The following ACACA variants were observed in gnomAD, a reference collection of about 807,000 sequenced individuals.
The protein encoded by ACACA is acetyl-CoA carboxylase alpha.
ACACA carries 103 observed loss-of-function variants against 296.1 expected under a neutral mutation model. The observed-to-expected ratio is 0.35, with a 90% CI of 0.30 to 0.41. ACACA has a LOEUF of 0.41. Among genes scored for constraint, ACACA ranks in the 10% least tolerant of loss-of-function variants. The probability of loss-of-function intolerance (pLI) is 1.00; values close to 1 mark genes in which losing one functional copy is unlikely to be tolerated. For missense variants in ACACA, 1,554 were observed against 2,989.7 expected (o/e 0.52, Z 11.20); for synonymous variants, 953 against 1,038.6 (o/e 0.92, Z 1.58).
At chr17:37,124,439 TA>T (rs569225957) in intron 48 of ACACA, among the ~76,000 whole-genome samples, 1 of 152,222 alleles carries the variant, frequency 6.6e-6, no homozygotes, top group Non-Finnish European at 1.5e-5. Flanking sequence ...TTCTGAGACT[TA>T]AAATCTGTCA....
chr17:37,240,604 CCAA>C, intron 23 of ACACA, 40 bp from the exon 24 acceptor site: 4 of 1,559,742 alleles, frequency 2.6e-6, no homozygotes, highest in Non-Finnish European at 3.5e-6. Flanking sequence ...ACCTGACAAT[CCAA>C]CACTATTAAG....
chr17:37,246,990 G>C lies in ACACA; in HGVS notation c.2310-14C>G. 6.2e-7 allele frequency: 1 copy of C among 1,613,876 alleles called. No individual in the cohort carries two copies. The highest frequency in any genetic ancestry group is 8.5e-7 in the Non-Finnish European group (1 of 1,179,932). Reference sequence around the variant, plus strand: ...GTGATGCGATATCTAGGAGACAAGTGGAAGTATGTAAGCTAAGAAAGCACC... The same window carrying C: ...GTGATGCGATATCTAGGAGACAAGTCGAAGTATGTAAGCTAAGAAAGCACC... On this transcript the variant is annotated splice_polypyrimidine_tract_variant and intron_variant, in intron 18 of 55. Coordinates refer to ENST00000616317, the MANE Select transcript of ACACA (RefSeq NM_198834.3).
intron 54 of ACACA, among the ~76,000 whole-genome samples, chr17:37,089,319 C>T (rs2072450612): frequency 6.6e-6 from 1 of 152,254 alleles, no homozygotes; most frequent in Admixed American, 6.5e-5. Context: ...CCCGAGCACT[C>T]TGGTGCTCAT....
intron 3 of ACACA, among the ~76,000 whole-genome samples, chr17:37,291,344 T>A (rs2083057951): frequency 6.6e-6 from 1 of 151,678 alleles, no homozygotes; most frequent in South Asian, 2.1e-4. Flanking sequence ...GCCCGGCTAA[T>A]TTTGTGTTTT....
intron 52 of ACACA, among the ~76,000 whole-genome samples, chr17:37,104,676 T>G (rs2073561976): frequency 6.6e-6 from 1 of 152,108 alleles, no homozygotes; most frequent in Non-Finnish European, 1.5e-5. Flanking sequence ...ACACGGTGGG[T>G]CATGCCTGTA....
chr17:37,126,248 AG>A (rs1188920136), intron 47 of ACACA, among the ~76,000 whole-genome samples: 3 of 152,248 alleles, frequency 2.0e-5, no homozygotes, highest in African/African-American at 7.2e-5. Context: ...CCAAACAATA[AG>A]TATTAATGAT....
chr17:37,361,084 G>C (rs959393579), intron 1 of ACACA, among the ~76,000 whole-genome samples: 1 of 149,070 alleles, frequency 6.7e-6, no homozygotes, highest in African/African-American at 2.5e-5. Context: ...TGTCGCCCAG[G>C]CTGGAGTGCC....
intron 50 of ACACA, among the ~76,000 whole-genome samples, chr17:37,116,943 G>T (rs1001598342): frequency 6.6e-6 from 1 of 152,194 alleles, no homozygotes; most frequent in South Asian, 2.1e-4. Context: ...ACTGGGAATG[G>T]AAAATACTGA....
At chr17:37,254,923 C>T (rs2081160390) in intron 14 of ACACA, among the ~76,000 whole-genome samples, 1 of 150,336 alleles carries the variant, frequency 6.7e-6, no homozygotes, top group Admixed American at 6.6e-5. Flanking sequence ...AACAAAGAAG[C>T]AGAGGGAAGA....
intron 42 of ACACA, among the ~76,000 whole-genome samples, chr17:37,160,464 T>G (rs950603084): frequency 1.3e-5 from 2 of 152,178 alleles, no homozygotes; most frequent in Non-Finnish European, 2.9e-5. Context: ...TCTGATGATA[T>G]CAGCTAAGAG....
chr17:37,306,396 G>A (rs976509187), intron 3 of ACACA, among the ~76,000 whole-genome samples: 3 of 151,900 alleles, frequency 2.0e-5, no homozygotes, highest in Non-Finnish European at 2.9e-5. Flanking sequence ...TTTAATGACC[G>A]ATATAACTTC....
At chr17:37,299,972 G>A (rs965774766) in intron 3 of ACACA, among the ~76,000 whole-genome samples, 3 of 152,168 alleles carry the variant, frequency 2.0e-5, no homozygotes, top group African/African-American at 4.8e-5. Context: ...AAGTAAGCAC[G>A]TAGAAAGGAA....
At chr17:37,176,123 A>G (rs2077105094) in intron 41 of ACACA, among the ~76,000 whole-genome samples, 1 of 152,224 alleles carries the variant, frequency 6.6e-6, no homozygotes, top group Non-Finnish European at 1.5e-5. Context: ...CCACCCATAC[A>G]GCCAATGGTC....
At position 37,321,813 on chromosome 17, in the gene ACACA, G is replaced by A. The variant is rs963743031; in HGVS notation, c.338+8360C>T. On this transcript the variant is annotated intron_variant, in intron 3 of 55. Coordinates refer to ENST00000616317, the MANE Select transcript of ACACA (RefSeq NM_198834.3). ...ACAAAAATTAGCCGGGCATGGTGGT[G>A]CACACCTGTTATCCCAGCTACTCAG... 2.7e-4 allele frequency among the ~76,000 whole-genome samples: 41 copies of A among 150,978 alleles called. No homozygotes were observed. In the East Asian group the frequency reaches 7.8e-3, roughly 29 times the overall value.
chr17:37,302,451 C>T (rs2083669224), intron 3 of ACACA, among the ~76,000 whole-genome samples: 1 of 152,046 alleles, frequency 6.6e-6, no homozygotes, highest in South Asian at 2.1e-4. Flanking sequence ...CTCAGGTGAT[C>T]CACCCACCTC....
At chr17:37,366,375 G>C (rs766356935) in intron 1 of ACACA, among the ~76,000 whole-genome samples, 7 of 151,916 alleles carry the variant, frequency 4.6e-5, no homozygotes, top group Non-Finnish European at 8.8e-5. Context: ...AAGAAAAATT[G>C]AGCCATCATT....
At chr17:37,241,924 T>C (rs761768927) in intron 23 of ACACA, 29 bp downstream of exon 23, 6 of 1,569,690 alleles carry the variant, frequency 3.8e-6, no homozygotes, top group Non-Finnish European at 4.4e-6. Flanking sequence ...TATGGACAGG[T>C]CTGGGAATCT....
At chr17:37,183,966 T>TA (rs1249938075) in intron 39 of ACACA, among the ~76,000 whole-genome samples, 5 of 150,790 alleles carry the variant, frequency 3.3e-5, no homozygotes, top group African/African-American at 1.2e-4. Flanking sequence ...AATTCTCCTG[T>TA]CTCAGCCTCC....
chr17:37,331,319 G>A (rs911064906), intron 2 of ACACA, among the ~76,000 whole-genome samples: 19 of 151,698 alleles, frequency 1.3e-4, no homozygotes, highest in East Asian at 3.9e-4. Flanking sequence ...GGGTTTCACC[G>A]TGTTAGCCAG....
Sources: allele counts gnomAD v4.1 joint callset (sites outside exome capture counted in the v4.1 genomes callset), GRCh38; gene constraint gnomAD v4.1.1; transcripts MANE v1.5; gene names NCBI Gene and HGNC (gene_info 2026-07-23, HGNC 2026-07-21).